The following KIZ variants were observed in gnomAD, a reference collection of about 807,000 sequenced individuals.
KIZ encodes centrosomal protein kizuna.
A neutral mutation model predicts 79.6 loss-of-function variants in KIZ; 68 were observed. The observed-to-expected ratio is 0.85, with a 90% CI of 0.70 to 1.05. The LOEUF is 1.05. Ranked by LOEUF, KIZ falls within the 50% of genes least tolerant of loss-of-function variation. The pLI, the probability that KIZ is intolerant of heterozygous loss-of-function variation, is 0.00. For missense variants in KIZ, 797 were observed against 800.4 expected, an observed-to-expected ratio of 1.00 and a Z score of 0.05; for synonymous variants, 280 against 281.8, an observed-to-expected ratio of 0.99 and a Z score of 0.06.
chr20:21,130,139 A>C (rs193078624), intron 1 of KIZ, among the ~76,000 whole-genome samples: 1 of 152,094 alleles, frequency 6.6e-6, no homozygotes, highest in African/African-American at 2.4e-5. Flanking sequence ...CTCACCTGCA[A>C]ACCGCGGTTG....
intron 6 of KIZ, among the ~76,000 whole-genome samples, chr20:21,168,960 G>A (rs956393437): frequency 3.3e-5 from 5 of 151,984 alleles, no homozygotes; most frequent in African/African-American, 7.2e-5. Flanking sequence ...TTAAACATTA[G>A]ACCTAAAACC....
intron 4 of KIZ, among the ~76,000 whole-genome samples, chr20:21,155,213 T>C (rs2033317836): frequency 6.6e-6 from 1 of 152,098 alleles, no homozygotes; most frequent in Non-Finnish European, 1.5e-5. Flanking sequence ...ACACCAAAAG[T>C]GGACAAAAGT....
chr20:21,239,087 T>G (rs567895968), intron 11 of KIZ, among the ~76,000 whole-genome samples: 1 of 152,394 alleles, frequency 6.6e-6, no homozygotes, highest in African/African-American at 2.4e-5. Context: ...TGAAGTCTGC[T>G]GTCTGCAGGC....
chr20:21,207,142 G>A (rs1362530234), intron 7 of KIZ, among the ~76,000 whole-genome samples: 8 of 152,102 alleles, frequency 5.3e-5, no homozygotes, highest in Non-Finnish European at 1.0e-4. Flanking sequence ...TTCAAGGATT[G>A]TATATCTGCA....
chr20:21,162,080 C>T lies in KIZ; in HGVS notation c.615C>T (p.Asp205=), dbSNP rs765382256. 3.1e-6 allele frequency: 5 copies of T among 1,613,678 alleles called. No individual in the cohort carries two copies. The South Asian group carries it at 4.4e-5, about 14-fold the overall frequency. ...RQTAQSSNVT[D]SCVVQTSNDT... is the part of the protein sequence containing the mutation. ...CAGCCCAGAGCAGTAATGTGACAGA[C>T]AGCTGTGTAGTACAAACTAGTAATG... The change falls in exon 5 of 13, where the codon GAC becomes GAT. Residue 205 remains aspartate, a synonymous_variant. Transcript: ENST00000619189.
intron 4 of KIZ, among the ~76,000 whole-genome samples, chr20:21,146,935 C>T (rs1045546006): frequency 2.0e-5 from 3 of 152,124 alleles, no homozygotes; most frequent in Non-Finnish European, 2.9e-5. Context: ...TGATAAATGA[C>T]GTATATGCCA....
intron 4 of KIZ, among the ~76,000 whole-genome samples, chr20:21,157,105 A>T (rs557201023): frequency 2.6e-5 from 4 of 152,238 alleles, no homozygotes; most frequent in Non-Finnish European, 5.9e-5. Context: ...TAAAAAAAAA[A>T]TTGTTTAAAT....
chr20:21,151,667 G>C (rs2033124999), intron 4 of KIZ: 1 of 152,000 alleles, frequency 6.6e-6, no homozygotes, highest in Non-Finnish European at 1.5e-5. Flanking sequence ...AATTCATATA[G>C]TCCATGAAAT....
chr20:21,209,433 C>A (rs1253341139), intron 7 of KIZ, among the ~76,000 whole-genome samples: 1 of 152,230 alleles, frequency 6.6e-6, no homozygotes, highest in Admixed American at 6.5e-5. Flanking sequence ...TGGTGACACT[C>A]ATAGAGTAGA....
intron 6 of KIZ, among the ~76,000 whole-genome samples, chr20:21,189,514 A>G (rs2035025105): frequency 6.6e-6 from 1 of 152,176 alleles, no homozygotes; most frequent in African/African-American, 2.4e-5. Flanking sequence ...AATTCTCCCA[A>G]GCCTTCCAGC....
chr20:21,160,443 C>T (rs2033600639), intron 4 of KIZ, among the ~76,000 whole-genome samples: 2 of 152,248 alleles, frequency 1.3e-5, no homozygotes, highest in East Asian at 1.9e-4. Flanking sequence ...CCCCTCAACC[C>T]CTGCTTCTAC....
intron 6 of KIZ, chr20:21,195,735 AAAAAC>A (rs1421532454): frequency 1.3e-5 from 2 of 152,330 alleles, no homozygotes; most frequent in East Asian, 3.9e-4. Context: ...GCTGTTAAAT[AAAAAC>A]AAAACTTGCA....
At chr20:21,158,253 A>T (rs1422388526) in intron 4 of KIZ, among the ~76,000 whole-genome samples, 9 of 152,320 alleles carry the variant, frequency 5.9e-5, no homozygotes, top group Non-Finnish European at 8.8e-5. Context: ...CAGAATGTTG[A>T]TTAATATCAT....
At chr20:21,187,832 T>C (rs1030220581) in intron 6 of KIZ, among the ~76,000 whole-genome samples, 12 of 152,226 alleles carry the variant, frequency 7.9e-5, no homozygotes, top group Admixed American at 7.9e-4. Context: ...TAGTAAATTC[T>C]TTATGATATG....
chr20:21,231,771 C>T (rs1050313506), intron 10 of KIZ, among the ~76,000 whole-genome samples: 8 of 152,160 alleles, frequency 5.3e-5, no homozygotes, highest in African/African-American at 1.7e-4. Context: ...TGGTGGTGTA[C>T]TCTGCACTCA....
At chr20:21,223,373 A>G (rs1274129400) in intron 9 of KIZ, among the ~76,000 whole-genome samples, 2 of 152,120 alleles carry the variant, frequency 1.3e-5, no homozygotes, top group Non-Finnish European at 2.9e-5. Flanking sequence ...ATAAATTTCT[A>G]TTTTCTGAAG....
intron 3 of KIZ, chr20:21,138,926 C>CTTTTTT: frequency 1.0e-5 from 1 of 95,446 alleles, no homozygotes; most frequent in Non-Finnish European, 2.1e-5. Flanking sequence ...CTTTCAACCT[C>CTTTTTT]TTTTTTTTTT....
intron 10 of KIZ, 63 bp downstream of exon 10, chr20:21,229,178 A>C: frequency 1.1e-6 from 1 of 910,872 alleles, no homozygotes; most frequent in Non-Finnish European, 1.8e-6. Flanking sequence ...GTGTTCGGGG[A>C]AGGGTGGTTA....
chr20:21,158,262 A>T (rs1415197598), intron 4 of KIZ: 1 of 152,216 alleles, frequency 6.6e-6, no homozygotes, highest in Non-Finnish European at 1.5e-5. Flanking sequence ...GATTAATATC[A>T]TTTTGCTGTT....
Sources: gnomAD v4.1 joint callset for allele counts (sites outside exome capture counted in the v4.1 genomes callset) on GRCh38, gnomAD v4.1.1 for gene constraint, MANE v1.5 for transcripts, NCBI Gene and HGNC (gene_info 2026-07-23, HGNC 2026-07-21) for gene names.